The following CRISP3 variants were observed in gnomAD, a reference collection of about 807,000 sequenced individuals.
CRISP3 encodes the protein cysteine-rich secretory protein 3.
CRISP3 carries 33 observed loss-of-function variants against 36.1 expected under a neutral mutation model. The observed-to-expected ratio is 0.91, with a 90% CI of 0.69 to 1.22. CRISP3 has a LOEUF of 1.22. Ranked by LOEUF, CRISP3 falls within the 50% of genes most tolerant of loss-of-function variation. The pLI is 0.00. For missense variants in CRISP3, 330 were observed against 301.2 expected (o/e 1.10, Z -0.71); for synonymous variants, 117 against 104.6 (o/e 1.12, Z -0.72).
chr6:49,734,305 A>G lies in CRISP3; in HGVS notation c.317-457T>C, dbSNP rs1217917133. ...ATCTGAATAAGTGGTTAGAATTATT[A>G]TTTTGTGTGAATTTTTTAAAAAGTC... On this transcript the variant is annotated intron_variant, in intron 4 of 7. Coordinates refer to ENST00000263045, the MANE Select transcript of CRISP3 (RefSeq NM_006061.4). Among the ~76,000 whole-genome samples, 2 of 152,128 alleles carry G rather than the reference A, an allele frequency of 1.3e-5. 1 individual carries two copies. The highest frequency in any genetic ancestry group is 6.3e-3 in the Middle Eastern group (2 of 316).
chr6:49,735,437 A>T, intron 4 of CRISP3, 67 bp downstream of exon 4: 1 of 1,241,392 alleles, frequency 8.1e-7, no homozygotes, highest in South Asian at 1.3e-5. Flanking sequence ...TTCTTAATGC[A>T]ACATCATAAC....
intron 1 of CRISP3, among the ~76,000 whole-genome samples, chr6:49,739,831 A>G (rs1769154425): frequency 6.6e-6 from 1 of 152,200 alleles, no homozygotes; most frequent in Admixed American, 6.5e-5. Flanking sequence ...TTAGTTATAC[A>G]TTATTTTCTA....
intron 2 of CRISP3, 137 bp downstream of exon 2, chr6:49,737,188 A>G: frequency 1.6e-6 from 1 of 629,596 alleles, no homozygotes. Context: ...AATTATGTTA[A>G]CTACCTTGAG....
At position 49,733,860 on chromosome 6, in the gene CRISP3, C is replaced by G. The variant is rs367914160; in HGVS notation, c.317-12G>C. The G allele has an allele frequency of 1.9e-6, 3 of 1,611,834 alleles. No homozygotes were observed. The highest frequency in any genetic ancestry group is 1.3e-5 in the African/African-American group (1 of 74,982). On this transcript the variant is annotated splice_polypyrimidine_tract_variant and intron_variant, in intron 4 of 7. Transcript: ENST00000263045. ...ACCACATTTTAGACCTAAGAAGGAA[C>G]AGACCACTCATGAGGAAAGCAATAA...
chr6:49,731,272 G>T (rs757850239), intron 6 of CRISP3, 21 bp from the exon 7 acceptor site: 3 of 1,507,204 alleles, frequency 2.0e-6, no homozygotes, highest in Non-Finnish European at 2.7e-6. Context: ...AAATAAAAAT[G>T]TCAAATATTT....
At chr6:49,731,116 T>G in intron 7 of CRISP3, 47 bp downstream of exon 7, 1 of 1,304,608 alleles carries the variant, frequency 7.7e-7, no homozygotes, top group African/African-American at 1.5e-5. Flanking sequence ...TTAGAAGAAA[T>G]GTCAGATCAT....
intron 1 of CRISP3, among the ~76,000 whole-genome samples, chr6:49,741,428 T>G (rs1769198595): frequency 6.6e-6 from 1 of 152,044 alleles, no homozygotes; most frequent in Non-Finnish European, 1.5e-5. Flanking sequence ...GCAAGAATCC[T>G]AACAAAATAT....
intron 1 of CRISP3, among the ~76,000 whole-genome samples, chr6:49,740,429 G>A (rs1769167903): frequency 6.6e-6 from 1 of 152,132 alleles, no homozygotes; most frequent in Non-Finnish European, 1.5e-5. Flanking sequence ...ATCAAAATAA[G>A]CAAGCTTCTT....
chr6:49,742,027 A>T (rs1252300467), intron 1 of CRISP3, among the ~76,000 whole-genome samples: 1 of 151,538 alleles, frequency 6.6e-6, no homozygotes, highest in African/African-American at 2.4e-5. Context: ...TGCACTATCA[A>T]CTTACAAAAA....
At chr6:49,744,256 A>C in intron 1 of CRISP3, 75 bp downstream of exon 1, 1 of 1,085,570 alleles carries the variant, frequency 9.2e-7, no homozygotes, top group Non-Finnish European at 1.3e-6. Flanking sequence ...TCACTTTATC[A>C]TTGATAAGGT....
chr6:49,730,932 C>G (rs1457946711), intron 7 of CRISP3, among the ~76,000 whole-genome samples: 3 of 152,174 alleles, frequency 2.0e-5, no homozygotes, highest in Non-Finnish European at 4.4e-5. Context: ...GTCCCAGCTA[C>G]TCAGGAGGCT....
Position 49,728,245 on chromosome 6 carries a change from G to A in CRISP3, c.*485C>T, listed in dbSNP as rs1458508379. The A allele has an allele frequency of 6.6e-6, 1 of 152,188 alleles. No homozygotes were observed. The highest frequency in any genetic ancestry group is 2.4e-5 in the African/African-American group (1 of 41,442). 9.4% of individuals were successfully genotyped at this position (152,188 alleles called of 1,614,324 possible). On this transcript the variant is annotated 3_prime_UTR_variant, in exon 8 of 8. Coordinates refer to ENST00000263045, the MANE Select transcript of CRISP3 (RefSeq NM_006061.4). Reference sequence around the variant, plus strand: ...GCCAGCCAGATGATTGGGAAGAAGGGTGAATGAGTGAAAAGAATTAAGACA... The same window carrying A: ...GCCAGCCAGATGATTGGGAAGAAGGATGAATGAGTGAAAAGAATTAAGACA...
intron 1 of CRISP3, among the ~76,000 whole-genome samples, chr6:49,741,077 G>C (rs1192273348): frequency 6.8e-6 from 1 of 146,956 alleles, no homozygotes; most frequent in Non-Finnish European, 1.5e-5. Context: ...CTGGGCGACA[G>C]AGCGAGACTC....
At chr6:49,740,331 G>T (rs1256385311) in intron 1 of CRISP3, among the ~76,000 whole-genome samples, 1 of 152,216 alleles carries the variant, frequency 6.6e-6, no homozygotes, top group Admixed American at 6.5e-5. Context: ...AAATTAGGAA[G>T]TAGGACAAAT....
rs2127451206 is a variant in CRISP3, at chr6:49,733,789, T to C, written c.376A>G (p.Ile126Val). ...SSASSSWSQA[I>V]QSWFDEYNDF... The stretch of plus-strand genomic sequence containing the variant: ...TTGTACTCATCAAACCAGCTTTGGA[T>C]TGCTTGTGACCATGAGCTGGAGGCA... The change falls in exon 5 of 8, where the codon ATC becomes GTC. Residue 126 changes from isoleucine (I) to valine (V), a missense_variant. By Grantham distance (29) the Ile-to-Val change is conservative (BLOSUM62 3). Transcript: ENST00000263045. The C allele has an allele frequency of 6.2e-7, 1 of 1,613,882 alleles. No homozygotes were observed. The highest frequency in any genetic ancestry group is 1.1e-5 in the South Asian group (1 of 91,072).
At chr6:49,738,385 T>C (rs9473647) in intron 1 of CRISP3, among the ~76,000 whole-genome samples, 9 of 152,220 alleles carry the variant, frequency 5.9e-5, no homozygotes, top group African/African-American at 2.2e-4. Flanking sequence ...TATACATTTA[T>C]GGTTGTTTTG....
chr6:49,736,066 T>A (rs1021855001), intron 3 of CRISP3, among the ~76,000 whole-genome samples: 22 of 144,714 alleles, frequency 1.5e-4, no homozygotes, highest in African/African-American at 5.1e-4. Context: ...ATGGCATTTA[T>A]CTTAAAAGGA....
chr6:49,741,150 C>A (rs1179814371), intron 1 of CRISP3, among the ~76,000 whole-genome samples: 3 of 66,676 alleles, frequency 4.5e-5, no homozygotes, highest in African/African-American at 1.6e-4. Flanking sequence ...AAAAAAACCA[C>A]CAAAAAAAAA....
rs374288697 is a variant in CRISP3 at position 49,728,841 on chromosome 6, G to A, written c.666C>T (p.Tyr222=). The change falls in exon 8 of 8, where the codon TAC becomes TAT. Residue 222 remains tyrosine, a synonymous_variant. Coordinates refer to ENST00000263045, the MANE Select transcript of CRISP3 (RefSeq NM_006061.4). ...TTTTACAGTTACTATAGAGATCTTCGTACTTGCAACCATTGGCTGGAATAA... is the reference window on the plus strand; with the variant it reads ...TTTTACAGTTACTATAGAGATCTTCATACTTGCAACCATTGGCTGGAATAA... ...DDGLCTNGCK[Y]EDLYSNCKSL... 6.8e-5 allele frequency: 109 copies of A among 1,609,144 alleles called. 1 individual carries two copies. Among genetic ancestry groups the A allele is most frequent in the South Asian group, 3.9e-4 (35 of 89,866 alleles).
Sources: allele counts gnomAD v4.1 joint callset (sites outside exome capture counted in the v4.1 genomes callset), GRCh38; gene constraint gnomAD v4.1.1; transcripts MANE v1.5; gene names NCBI Gene and HGNC (gene_info 2026-07-23, HGNC 2026-07-21).